Variants in RNF144A observed in about 807,000 individuals in gnomAD.
The protein encoded by RNF144A is E3 ubiquitin-protein ligase RNF144A.
Under a neutral mutation model 38.7 loss-of-function variants are expected in RNF144A, and 11 were observed. The observed-to-expected ratio is 0.28, with a 90% CI of 0.18 to 0.47. The LOEUF (loss-of-function observed/expected upper bound fraction) is 0.47. RNF144A is among the 20% of genes least tolerant of loss of function. The probability of loss-of-function intolerance (pLI) is 0.99; values close to 1 mark genes in which losing one functional copy is unlikely to be tolerated. For missense variants in RNF144A, 316 were observed against 377.2 expected (o/e 0.84, Z 1.34); for synonymous variants, 149 against 143.9 (o/e 1.04, Z -0.25).
rs1378558033 is a variant in RNF144A at position 6,990,419 on chromosome 2, CACACACACACACACACAG to C, written c.-11-6495_-11-6478del. On this transcript the variant is annotated intron_variant, in intron 2 of 8. Coordinates refer to ENST00000320892, the MANE Select transcript of RNF144A (RefSeq NM_014746.6). ...ACACACACACACACACACACACACACACACACACACACACACAGAGCTATATATATATATAATATATAA... is the reference window on the plus strand; with the variant it reads ...ACACACACACACACACACACACACACAGCTATATATATATATAATATATAA... Among the ~76,000 whole-genome samples, 227 of 138,240 alleles carry C rather than the reference CACACACACACACACACAG, an allele frequency of 1.6e-3. 2 individuals are homozygous for C. Among genetic ancestry groups the C allele is most frequent in the African/African-American group, 4.2e-3 (149 of 35,334 alleles). The allele number at this position is 138,240 out of a possible 152,430, so 90.7% of individuals were successfully genotyped here. A position where few individuals can be genotyped will look rare whatever the true frequency, so the allele number is the denominator to read the frequency against.
chr2:6,968,418 C>T lies in RNF144A; in HGVS notation c.-12+27271C>T, dbSNP rs972120477. On this transcript the variant is annotated intron_variant, in intron 2 of 8. Coordinates refer to ENST00000320892, the MANE Select transcript of RNF144A (RefSeq NM_014746.6). Reference sequence around the variant, plus strand: ...GGTTAGAACAGACTCCTAGTGGGTGCAGCTGGCTTTGCCAGTGGCTCTTCA... The same window carrying T: ...GGTTAGAACAGACTCCTAGTGGGTGTAGCTGGCTTTGCCAGTGGCTCTTCA... Among the ~76,000 whole-genome samples the T allele has an allele frequency of 3.9e-5, 6 of 152,254 alleles. No individual in the cohort carries two copies. In the East Asian group the frequency reaches 1.2e-3, roughly 29 times the overall value.
intron 1 of RNF144A, among the ~76,000 whole-genome samples, chr2:6,928,209 T>TA (rs1352424557): frequency 6.6e-6 from 1 of 152,210 alleles, no homozygotes; most frequent in East Asian, 1.9e-4. Flanking sequence ...TGGGCCTTTT[T>TA]AAAAAAATGT....
At chr2:7,045,249 C>A (rs1396391495), downstream of RNF144A, among the ~76,000 whole-genome samples, 1 of 152,186 alleles carries the variant, frequency 6.6e-6, no homozygotes, top group East Asian at 1.9e-4. Flanking sequence ...AGGAACTGGA[C>A]CTTCATGATA....
Position 7,040,948 on chromosome 2 carries a change from C to G in RNF144A, c.*1188C>G, listed in dbSNP as rs1673009311. 1 of 985,338 alleles carries G rather than the reference C, an allele frequency of 1.0e-6. No homozygotes were observed. Among genetic ancestry groups the G allele is most frequent in the South Asian group, 4.7e-5 (1 of 21,290 alleles). The allele number at this position is 985,338 out of a possible 1,614,324, so 61.0% of individuals were successfully genotyped here. ...ACCACTTGATCTTTTACAGGGCTGT[C>G]TGTGACCATTTCCATGGCAGCAGGA... On this transcript the variant is annotated 3_prime_UTR_variant, in exon 9 of 9. Transcript: ENST00000320892.
At chr2:7,017,477 G>A (rs751337638) in intron 5 of RNF144A, among the ~76,000 whole-genome samples, 4 of 152,154 alleles carry the variant, frequency 2.6e-5, no homozygotes, top group African/African-American at 4.8e-5. Flanking sequence ...CCAGCCCGCC[G>A]GGCAGGGTAG....
intron 8 of RNF144A, among the ~76,000 whole-genome samples, chr2:7,034,285 A>G (rs1289133411): frequency 6.6e-6 from 1 of 152,072 alleles, no homozygotes; most frequent in Non-Finnish European, 1.5e-5. Flanking sequence ...AAAAAAAAAA[A>G]AGTTCACAAA....
chr2:7,029,353 G>A (rs1572438391), intron 7 of RNF144A, among the ~76,000 whole-genome samples: 1 of 152,276 alleles, frequency 6.6e-6, no homozygotes, highest in African/African-American at 2.4e-5. Context: ...ATTGAGATCT[G>A]GGTGCCAAGC....
chr2:6,939,223 T>C (rs1172156771), intron 1 of RNF144A, among the ~76,000 whole-genome samples: 1 of 152,228 alleles, frequency 6.6e-6, no homozygotes, highest in Non-Finnish European at 1.5e-5. Flanking sequence ...GGTTCACATT[T>C]CTCCACATTC....
intron 1 of RNF144A, among the ~76,000 whole-genome samples, chr2:6,929,578 G>A (rs1299365816): frequency 6.6e-6 from 1 of 152,064 alleles, no homozygotes; most frequent in Non-Finnish European, 1.5e-5. Flanking sequence ...AGCACAATGT[G>A]GTGGTTTTCA....
chr2:7,060,660 C>G (rs1031478416), intron 6 of RNF144A, among the ~76,000 whole-genome samples: 1 of 152,164 alleles, frequency 6.6e-6, no homozygotes, highest in Non-Finnish European at 1.5e-5. Flanking sequence ...CGTTGTCACC[C>G]TTGGTTTCCC....
At position 7,043,229 on chromosome 2, in the gene RNF144A, G is replaced by A; in HGVS notation, c.*3469G>A. On this transcript the variant is annotated 3_prime_UTR_variant, in exon 9 of 9. Transcript: ENST00000320892. ...TATTATTCCATAAAACCAGTTTAGG[G>A]CACAGGCCAGTTCCTGATTAGAACA... 1 of 985,280 alleles carries A rather than the reference G, an allele frequency of 1.0e-6. No homozygotes were observed. The highest frequency in any genetic ancestry group is 1.2e-6 in the Non-Finnish European group (1 of 829,808). 61.0% of individuals were successfully genotyped at this position (985,280 alleles called of 1,614,324 possible). A position where few individuals can be genotyped will look rare whatever the true frequency, so the allele number is the denominator to read the frequency against.
At chr2:6,984,060 C>T (rs1429777375) in intron 2 of RNF144A, among the ~76,000 whole-genome samples, 1 of 152,200 alleles carries the variant, frequency 6.6e-6, no homozygotes, top group Non-Finnish European at 1.5e-5. Flanking sequence ...CCACAGTGCT[C>T]TGCATTTTTC....
intron 3 of RNF144A, among the ~76,000 whole-genome samples, chr2:7,001,815 A>G (rs879758469): frequency 6.6e-6 from 1 of 152,236 alleles, no homozygotes; most frequent in Non-Finnish European, 1.5e-5. Flanking sequence ...GTGGCTGAAC[A>G]TTGCTGTGGG....
chr2:7,057,824 A>G (rs1423361881), intron 6 of RNF144A, among the ~76,000 whole-genome samples: 2 of 152,200 alleles, frequency 1.3e-5, no homozygotes, highest in Non-Finnish European at 1.5e-5. Flanking sequence ...ATATTTTCTC[A>G]TAGAAATCTG....
intron 7 of RNF144A, among the ~76,000 whole-genome samples, chr2:7,028,297 C>T (rs1323249552): frequency 1.3e-5 from 2 of 152,314 alleles, no homozygotes; most frequent in East Asian, 3.9e-4. Context: ...GCTGGAAAGA[C>T]AAGGTGAGGC....
chr2:7,035,254 TCTC>T (rs774442835), intron 8 of RNF144A, among the ~76,000 whole-genome samples: 1 of 152,292 alleles, frequency 6.6e-6, no homozygotes, highest in Non-Finnish European at 1.5e-5. Flanking sequence ...CCGTTACGTG[TCTC>T]TAAAGAGCCC....
intron 3 of RNF144A, among the ~76,000 whole-genome samples, chr2:7,010,119 G>C (rs1289103516): frequency 6.6e-6 from 1 of 152,254 alleles, no homozygotes; most frequent in Non-Finnish European, 1.5e-5. Flanking sequence ...GAAAGGCTGA[G>C]AGAAACCCTT....
chr2:6,928,623 TG>T (rs1665026582), intron 1 of RNF144A, among the ~76,000 whole-genome samples: 1 of 152,206 alleles, frequency 6.6e-6, no homozygotes, highest in African/African-American at 2.4e-5. Context: ...CTGGCCTCCG[TG>T]CTCCTCCCTT....
At chr2:6,990,016 G>T (rs1278500217) in intron 2 of RNF144A, among the ~76,000 whole-genome samples, 1 of 152,126 alleles carries the variant, frequency 6.6e-6, no homozygotes, top group Non-Finnish European at 1.5e-5. Flanking sequence ...TGGCACATTT[G>T]TTACCATGAA....
Sources: gnomAD v4.1 joint callset for allele counts (sites outside exome capture counted in the v4.1 genomes callset) on GRCh38, gnomAD v4.1.1 for gene constraint, MANE v1.5 for transcripts, NCBI Gene and HGNC (gene_info 2026-07-23, HGNC 2026-07-21) for gene names.